The following TMEM132D variants were observed in gnomAD, a reference collection of about 807,000 sequenced individuals.
TMEM132D encodes mature OL transmembrane protein.
In TMEM132D, 21 loss-of-function variants were observed where a neutral mutation model predicts 62.3. The observed-to-expected ratio is 0.34, with a 90% CI of 0.24 to 0.49. The LOEUF is 0.49. Among genes scored for constraint, TMEM132D ranks in the 20% least tolerant of loss-of-function variants. TMEM132D has a pLI of 0.99. For synonymous variants in TMEM132D, 621 were observed against 575.6 expected, an observed-to-expected ratio of 1.08 and a Z score of -1.13; for missense variants, 1,346 against 1,402.8, an observed-to-expected ratio of 0.96 and a Z score of 0.65.
intron 3 of TMEM132D, among the ~76,000 whole-genome samples, chr12:129,448,463 G>A (rs901961732): frequency 2.0e-5 from 3 of 152,136 alleles, no homozygotes; most frequent in Non-Finnish European, 4.4e-5. Context: ...TTATAAGTGA[G>A]AACATTCAGA....
intron 5 of TMEM132D, among the ~76,000 whole-genome samples, chr12:129,153,524 C>A (rs923920937): frequency 5.9e-5 from 9 of 152,112 alleles, no homozygotes; most frequent in Admixed American, 4.6e-4. Context: ...GCAGTACATA[C>A]TAATTATTTC....
chr12:129,334,969 G>C (rs900507582), intron 4 of TMEM132D, among the ~76,000 whole-genome samples: 1 of 152,076 alleles, frequency 6.6e-6, no homozygotes, highest in African/African-American at 2.4e-5. Context: ...CTCTTCTTAT[G>C]TTGTAAAATA....
At chr12:129,269,769 C>T (rs1397904272) in intron 4 of TMEM132D, among the ~76,000 whole-genome samples, 4 of 152,274 alleles carry the variant, frequency 2.6e-5, no homozygotes, top group South Asian at 2.1e-4. Flanking sequence ...TCTCGTGTCT[C>T]GTTATTCGGT....
chr12:129,714,229 C>A (rs1197007486), intron 1 of TMEM132D, among the ~76,000 whole-genome samples: 1 of 152,260 alleles, frequency 6.6e-6, no homozygotes, highest in African/African-American at 2.4e-5. Flanking sequence ...ATGGCCCCTC[C>A]CCAGAGCAGC....
At chr12:129,772,549 A>C (rs941343748) in intron 1 of TMEM132D, among the ~76,000 whole-genome samples, 5 of 152,190 alleles carry the variant, frequency 3.3e-5, no homozygotes, top group African/African-American at 1.2e-4. Context: ...ATTTCCCATG[A>C]GTCATAAATC....
intron 3 of TMEM132D, among the ~76,000 whole-genome samples, chr12:129,468,633 G>A (rs942023212): frequency 1.3e-5 from 2 of 152,102 alleles, no homozygotes; most frequent in African/African-American, 2.4e-5. Flanking sequence ...AAAAAAGCAA[G>A]TTGATCCATA....
At chr12:129,218,999 C>T (rs1162580716) in intron 4 of TMEM132D, among the ~76,000 whole-genome samples, 1 of 152,116 alleles carries the variant, frequency 6.6e-6, no homozygotes, top group Non-Finnish European at 1.5e-5. Flanking sequence ...TACAGGTTTC[C>T]CCGGGTGTGT....
At chr12:129,346,070 G>A (rs563923155) in intron 3 of TMEM132D, among the ~76,000 whole-genome samples, 1 of 152,056 alleles carries the variant, frequency 6.6e-6, no homozygotes, top group African/African-American at 2.4e-5. Context: ...TCTGGTCCTG[G>A]GCTTTTTTTG....
intron 5 of TMEM132D, among the ~76,000 whole-genome samples, chr12:129,197,208 T>G (rs1878573541): frequency 1.3e-5 from 2 of 152,194 alleles, no homozygotes; most frequent in South Asian, 4.1e-4. Context: ...TTTTATATAA[T>G]TTTTATATAT....
intron 3 of TMEM132D, among the ~76,000 whole-genome samples, chr12:129,498,914 T>C (rs1476716707): frequency 1.3e-5 from 2 of 152,086 alleles, no homozygotes; most frequent in African/African-American, 4.8e-5. Context: ...TCCCTCCTCA[T>C]CTCTGCTCCC....
At position 129,293,936 on chromosome 12, in the gene TMEM132D, G is replaced by A. The variant is rs181295535; in HGVS notation, c.1299+43698C>T. 1.7e-3 allele frequency among the ~76,000 whole-genome samples: 264 copies of A among 152,294 alleles called. 2 individuals carry two copies. The highest frequency in any genetic ancestry group is 6.0e-3 in the African/African-American group (251 of 41,572). ...GGGACTCCTGTTCTGGGGCTTCCCA[G>A]AGCATAAACACAACCAAAAATGAAG... is the stretch of plus-strand genomic sequence containing the variant. On this transcript the variant is annotated intron_variant, in intron 4 of 8. Transcript: ENST00000422113.
At chr12:129,479,059 C>A (rs969106024) in intron 3 of TMEM132D, among the ~76,000 whole-genome samples, 6 of 152,200 alleles carry the variant, frequency 3.9e-5, no homozygotes, top group African/African-American at 1.4e-4. Flanking sequence ...GTACTTTACA[C>A]TATAGTTAGT....
intron 1 of TMEM132D, among the ~76,000 whole-genome samples, chr12:129,754,837 A>T (rs1870113633): frequency 6.6e-6 from 1 of 152,148 alleles, no homozygotes; most frequent in South Asian, 2.1e-4. Flanking sequence ...ATAGAAAAAC[A>T]TTTCAACTTA....
chr12:129,637,085 G>A (rs745895797), intron 2 of TMEM132D, among the ~76,000 whole-genome samples: 8 of 152,038 alleles, frequency 5.3e-5, no homozygotes, highest in South Asian at 2.1e-4. Flanking sequence ...CTCACGTGTC[G>A]ACAGTTTTAA....
intron 3 of TMEM132D, among the ~76,000 whole-genome samples, chr12:129,528,474 C>G (rs1180757778): frequency 6.7e-6 from 1 of 149,976 alleles, no homozygotes; most frequent in Non-Finnish European, 1.5e-5. Flanking sequence ...AAATGGTTCA[C>G]TGTAAAAAGT....
chr12:129,151,274 G>A (rs1261448361), intron 5 of TMEM132D, among the ~76,000 whole-genome samples: 2 of 152,204 alleles, frequency 1.3e-5, no homozygotes, highest in Non-Finnish European at 2.9e-5. Context: ...ACTCAGGCGG[G>A]GTTATTCGCC....
At chr12:129,709,948 T>C (rs1357927228) in intron 1 of TMEM132D, among the ~76,000 whole-genome samples, 1 of 152,224 alleles carries the variant, frequency 6.6e-6, no homozygotes, top group African/African-American at 2.4e-5. Flanking sequence ...AAAATTTATT[T>C]TAAAAGCATT....
chr12:129,500,009 C>T (rs907526131), intron 3 of TMEM132D, among the ~76,000 whole-genome samples: 10 of 142,868 alleles, frequency 7.0e-5, no homozygotes, highest in African/African-American at 1.6e-4. Context: ...AACAAATACC[C>T]CTGAGTGGGG....
chr12:129,900,082 A>T (rs561917370), intron 1 of TMEM132D, among the ~76,000 whole-genome samples: 1 of 152,162 alleles, frequency 6.6e-6, no homozygotes. Context: ...CATGATGCAG[A>T]TATTATTTAT....
Sources: gnomAD v4.1 joint callset for allele counts (sites outside exome capture counted in the v4.1 genomes callset) on GRCh38, gnomAD v4.1.1 for gene constraint, MANE v1.5 for transcripts, NCBI Gene and HGNC (gene_info 2026-07-23, HGNC 2026-07-21) for gene names.